HSDL2: variants seen among roughly 807,000 people sequenced by gnomAD.
HSDL2 encodes the protein hydroxysteroid dehydrogenase-like protein 2.
In HSDL2, 27 loss-of-function variants were observed where a neutral mutation model predicts 46.3. The ratio of observed to expected loss-of-function variants is 0.58; its 90% CI spans 0.43 to 0.80. HSDL2 has a LOEUF of 0.80. Among genes scored for constraint, HSDL2 ranks in the 30% least tolerant of loss-of-function variants. The probability of loss-of-function intolerance (pLI) is 0.00; values close to 1 mark genes in which losing one functional copy is unlikely to be tolerated. For synonymous variants in HSDL2, 153 were observed against 163.6 expected, an observed-to-expected ratio of 0.94 and a Z score of 0.50; for missense variants, 451 against 502.7, an observed-to-expected ratio of 0.90 and a Z score of 0.98.
intron 6 of HSDL2, among the ~76,000 whole-genome samples, chr9:112,437,389 T>A (rs887374110): frequency 4.6e-5 from 7 of 152,162 alleles, no homozygotes; most frequent in Admixed American, 3.3e-4. Flanking sequence ...TATACTACTT[T>A]CATTGATTCT....
chr9:112,437,225 G>T (rs1272462573), intron 6 of HSDL2, among the ~76,000 whole-genome samples: 1 of 151,938 alleles, frequency 6.6e-6, no homozygotes, highest in Non-Finnish European at 1.5e-5. Flanking sequence ...CTCCCACAGT[G>T]CCGGGATTAC....
At chr9:112,381,873 T>TA (rs1831105935) in intron 1 of HSDL2, among the ~76,000 whole-genome samples, 1 of 152,224 alleles carries the variant, frequency 6.6e-6, no homozygotes, top group African/African-American at 2.4e-5. Flanking sequence ...TAATTATACT[T>TA]GTATTTATCT....
At chr9:112,465,285 C>T (rs953958700) in intron 10 of HSDL2, among the ~76,000 whole-genome samples, 6 of 152,168 alleles carry the variant, frequency 3.9e-5, no homozygotes, top group East Asian at 1.9e-4. Flanking sequence ...CCCACTACCA[C>T]GCCTGGCTAA....
chr9:112,471,082 G>C lies in HSDL2; in HGVS notation c.*538G>C, dbSNP rs1437053204. On this transcript the variant is annotated 3_prime_UTR_variant, in exon 11 of 11. Coordinates refer to ENST00000398805, the MANE Select transcript of HSDL2 (RefSeq NM_032303.5). ...CAATAATTTTTCATTTTGATAACTA[G>C]CTTTCCAGGTGGACTTAGCCATAGG... 1 of 152,124 alleles carries C rather than the reference G, an allele frequency of 6.6e-6. No homozygotes were observed. Among genetic ancestry groups the C allele is most frequent in the Admixed American group, 6.5e-5 (1 of 15,268 alleles). 9.4% of individuals were successfully genotyped at this position (152,124 alleles called of 1,614,324 possible). A position where few individuals can be genotyped will look rare whatever the true frequency, so the allele number is the denominator to read the frequency against.
intron 8 of HSDL2, among the ~76,000 whole-genome samples, chr9:112,444,719 G>C (rs1375148626): frequency 6.6e-6 from 1 of 151,818 alleles, no homozygotes; most frequent in African/African-American, 2.4e-5. Context: ...GCCTGGGTGA[G>C]AGAGTGAGAC....
chr9:112,459,317 T>C, intron 9 of HSDL2, 132 bp from the exon 10 acceptor site: 1 of 914,772 alleles, frequency 1.1e-6, no homozygotes, highest in East Asian at 2.7e-5. Flanking sequence ...TTTGCTGAAT[T>C]TGACTGATGG....
chr9:112,393,886 C>T (rs534616032), intron 1 of HSDL2, among the ~76,000 whole-genome samples: 1 of 152,298 alleles, frequency 6.6e-6, no homozygotes, highest in Non-Finnish European at 1.5e-5. Flanking sequence ...TGTAAGGAGG[C>T]TTAACACAAC....
chr9:112,454,039 A>G lies in HSDL2; in HGVS notation c.892A>G (p.Lys298Glu), dbSNP rs749630462. 4.3e-6 allele frequency: 7 copies of G among 1,613,818 alleles called. No homozygotes were observed. Among genetic ancestry groups the G allele is most frequent in the Non-Finnish European group, 5.9e-6 (7 of 1,179,940 alleles). The change falls in exon 9 of 11, where the codon AAA (lysine) becomes GAA (glutamate). Residue 298 changes from lysine (K) to glutamate (E), a missense_variant. Coordinates refer to ENST00000398805, the MANE Select transcript of HSDL2 (RefSeq NM_032303.5). ...TGCTGTTCCAGAATTCAAAGAAGAG[A>G]AACTGCAGCTGCAACCAAAACCACG... The part of the protein sequence containing the change: ...TGAVPEFKEE[K>E]LQLQPKPRSG...
intron 1 of HSDL2, among the ~76,000 whole-genome samples, chr9:112,398,406 T>C (rs1004006588): frequency 4.6e-5 from 7 of 151,914 alleles, no homozygotes; most frequent in Admixed American, 6.6e-5. Flanking sequence ...AGTATAGATA[T>C]GGTCCTGGGC....
rs1176701425 is a variant in HSDL2, at chr9:112,430,097, G to A, written c.599-8334G>A. ...AAACCCTATCTCAAAAAAAAAAAAA[G>A]AAAGAAAAGAGATGTTTGGCCTTTC... On this transcript the variant is annotated intron_variant, in intron 6 of 10. Coordinates refer to ENST00000398805, the MANE Select transcript of HSDL2 (RefSeq NM_032303.5). Among the ~76,000 whole-genome samples the A allele has an allele frequency of 2.6e-5, 4 of 151,500 alleles. No individual in the cohort carries two copies. In the South Asian group the frequency reaches 8.4e-4, roughly 32 times the overall value.
chr9:112,411,214 ATCTC>A (rs1171437930), intron 4 of HSDL2, among the ~76,000 whole-genome samples: 2 of 152,142 alleles, frequency 1.3e-5, no homozygotes, highest in African/African-American at 4.8e-5. Context: ...TCATAACCAC[ATCTC>A]TCTCTGAATT....
At chr9:112,462,759 A>G (rs1449177240) in intron 10 of HSDL2, among the ~76,000 whole-genome samples, 1 of 152,178 alleles carries the variant, frequency 6.6e-6, no homozygotes, top group African/African-American at 2.4e-5. Context: ...TAATAAATTT[A>G]TAGTTACACA....
At chr9:112,390,261 A>G (rs1446651841) in intron 1 of HSDL2, among the ~76,000 whole-genome samples, 1 of 152,098 alleles carries the variant, frequency 6.6e-6, no homozygotes, top group East Asian at 1.9e-4. Context: ...GTGGTACAGA[A>G]TAGAGAGTCC....
chr9:112,411,569 G>A (rs549950954), intron 4 of HSDL2, among the ~76,000 whole-genome samples: 23 of 152,292 alleles, frequency 1.5e-4, no homozygotes, highest in South Asian at 6.2e-4. Flanking sequence ...GGACTATTCC[G>A]GAGGCTGAGG....
chr9:112,415,185 C>A (rs1339780676), intron 4 of HSDL2, among the ~76,000 whole-genome samples: 2 of 151,882 alleles, frequency 1.3e-5, no homozygotes, highest in Non-Finnish European at 2.9e-5. Context: ...TGTATTGCAC[C>A]CAAAGGCATA....
chr9:112,424,734 A>G (rs1026262929), intron 6 of HSDL2, among the ~76,000 whole-genome samples: 5 of 152,124 alleles, frequency 3.3e-5, no homozygotes, highest in Non-Finnish European at 5.9e-5. Context: ...CAGTGAAAAA[A>G]AGAAAACATA....
chr9:112,467,732 T>C (rs1833434451), intron 10 of HSDL2, among the ~76,000 whole-genome samples: 1 of 152,196 alleles, frequency 6.6e-6, no homozygotes, highest in South Asian at 2.1e-4. Context: ...TCCTGTACTC[T>C]TCCCACAGCT....
intron 1 of HSDL2, among the ~76,000 whole-genome samples, chr9:112,388,245 G>A (rs1247157312): frequency 1.3e-5 from 2 of 151,744 alleles, no homozygotes; most frequent in Non-Finnish European, 1.5e-5. Context: ...GGCAGATCAC[G>A]AGGTCAGGAG....
intron 10 of HSDL2, among the ~76,000 whole-genome samples, chr9:112,464,165 G>A (rs1833303028): frequency 6.6e-6 from 1 of 151,806 alleles, no homozygotes; most frequent in African/African-American, 2.4e-5. Flanking sequence ...CCAGGAGTAT[G>A]AGACCAGCCT....
Sources: gnomAD v4.1 joint callset for allele counts (sites outside exome capture counted in the v4.1 genomes callset) on GRCh38, gnomAD v4.1.1 for gene constraint, MANE v1.5 for transcripts, NCBI Gene and HGNC (gene_info 2026-07-23, HGNC 2026-07-21) for gene names.